Variants in GRM8 observed in about 807,000 individuals in gnomAD.
GRM8 encodes metabotropic glutamate receptor 8.
Under a neutral mutation model 87.2 loss-of-function variants are expected in GRM8, and 47 were observed. The observed-to-expected ratio is 0.54, with a 90% CI of 0.43 to 0.69. GRM8 has a LOEUF of 0.69. Among genes scored for constraint, GRM8 ranks in the 30% least tolerant of loss-of-function variants. The pLI, the probability that GRM8 is intolerant of heterozygous loss-of-function variation, is 0.00. For missense variants in GRM8, 1,019 were observed against 1,139.2 expected, an observed-to-expected ratio of 0.89 and a Z score of 1.52; for synonymous variants, 396 against 404.5, an observed-to-expected ratio of 0.98 and a Z score of 0.25.
At chr7:126,625,496 T>C (rs1172235834) in intron 7 of GRM8, among the ~76,000 whole-genome samples, 4 of 150,136 alleles carry the variant, frequency 2.7e-5, no homozygotes, top group African/African-American at 9.7e-5. Flanking sequence ...AACCAACTCT[T>C]CTTCTTGATC....
intron 9 of GRM8, chr7:126,511,456 T>C (rs1027606159): frequency 6.6e-6 from 1 of 152,162 alleles, no homozygotes; most frequent in Non-Finnish European, 1.5e-5. Context: ...ATACCTCTTG[T>C]GGTTTTCAAA....
intron 7 of GRM8, among the ~76,000 whole-genome samples, chr7:126,700,228 T>C (rs1041503447): frequency 6.6e-6 from 1 of 152,118 alleles, no homozygotes; most frequent in Non-Finnish European, 1.5e-5. Context: ...ATATTAAAAA[T>C]CTATTTCATT....
At chr7:126,997,305 G>A (rs62468868) in intron 3 of GRM8, among the ~76,000 whole-genome samples, 2,351 of 151,792 alleles carry the variant, frequency 0.015, 21 homozygotes, top group Non-Finnish European at 0.024. Context: ...GCAGTACTAA[G>A]AGGAAAATAT....
chr7:126,843,053 G>A (rs1037865187), intron 6 of GRM8, among the ~76,000 whole-genome samples: 3 of 152,180 alleles, frequency 2.0e-5, no homozygotes, highest in Non-Finnish European at 4.4e-5. Flanking sequence ...AAATGATAAT[G>A]AGACTTACAA....
intron 6 of GRM8, among the ~76,000 whole-genome samples, chr7:126,875,765 T>G (rs934648255): frequency 2.6e-5 from 4 of 152,030 alleles, no homozygotes; most frequent in African/African-American, 9.7e-5. Flanking sequence ...TGAATTAATG[T>G]ATTAAGTTTT....
rs141875724 is a variant in GRM8, at chr7:126,493,699, C to T, written c.2430+39253G>A. On this transcript the variant is annotated intron_variant, in intron 9 of 10. Coordinates refer to ENST00000339582, the MANE Select transcript of GRM8 (RefSeq NM_000845.3). ...TCTGTGACCTTGACAGAGTCCCTGA[C>T]CTCTATCAGGGTGCTTTTTCATTTT... Among the ~76,000 whole-genome samples, 72 of 152,106 alleles carry T rather than the reference C, an allele frequency of 4.7e-4. No homozygotes were observed. The East Asian group carries it at 0.012, about 26-fold the overall frequency.
intron 8 of GRM8, among the ~76,000 whole-genome samples, chr7:126,556,891 C>A (rs920806196): frequency 6.6e-6 from 1 of 152,116 alleles, no homozygotes; most frequent in Non-Finnish European, 1.5e-5. Flanking sequence ...AAGACTTATT[C>A]ATTGGTGTCC....
intron 6 of GRM8, among the ~76,000 whole-genome samples, chr7:126,898,686 C>A (rs59143584): frequency 0.029 from 4,374 of 152,196 alleles, 208 homozygotes; most frequent in African/African-American, 0.099. Context: ...AGTATTTGTG[C>A]CTGAAATAAA....
At chr7:127,154,040 G>A (rs1563546088) in intron 2 of GRM8, among the ~76,000 whole-genome samples, 1 of 152,054 alleles carries the variant, frequency 6.6e-6, no homozygotes, top group Non-Finnish European at 1.5e-5. Flanking sequence ...AACCACCTTT[G>A]AGAGTAGCAG....
chr7:126,989,830 T>C (rs1201315366), intron 3 of GRM8, among the ~76,000 whole-genome samples: 6 of 151,844 alleles, frequency 4.0e-5, no homozygotes, highest in Admixed American at 3.9e-4. Flanking sequence ...GGCATGGTGG[T>C]GCGTGCCTGT....
chr7:126,461,389 C>A (rs1021919069), intron 9 of GRM8, among the ~76,000 whole-genome samples: 1 of 151,588 alleles, frequency 6.6e-6, no homozygotes, highest in African/African-American at 2.4e-5. Flanking sequence ...CTATCCCCAG[C>A]CTCTTCTCCC....
intron 2 of GRM8, among the ~76,000 whole-genome samples, chr7:127,172,091 G>A (rs770741360): frequency 9.2e-5 from 14 of 151,698 alleles, no homozygotes; most frequent in Non-Finnish European, 1.6e-4. Context: ...TTTTAAAAAT[G>A]TAAAGTGACG....
At chr7:126,736,635 C>T (rs1319786212) in intron 7 of GRM8, among the ~76,000 whole-genome samples, 3 of 152,064 alleles carry the variant, frequency 2.0e-5, no homozygotes, top group African/African-American at 7.2e-5. Context: ...TCCTCTGAGG[C>T]TACACGATGC....
At chr7:126,901,271 T>C (rs1324802088) in intron 6 of GRM8, among the ~76,000 whole-genome samples, 3 of 152,216 alleles carry the variant, frequency 2.0e-5, no homozygotes, top group Non-Finnish European at 4.4e-5. Flanking sequence ...TGTCACCTCC[T>C]CTGGCGAGGC....
intron 8 of GRM8, among the ~76,000 whole-genome samples, chr7:126,606,214 T>C (rs780423053): frequency 9.2e-5 from 14 of 152,234 alleles, no homozygotes; most frequent in Non-Finnish European, 1.6e-4. Flanking sequence ...AGACTGTCTC[T>C]GAACTTTCTC....
At chr7:126,814,140 A>G (rs1793549585) in intron 6 of GRM8, among the ~76,000 whole-genome samples, 1 of 152,060 alleles carries the variant, frequency 6.6e-6, no homozygotes, top group South Asian at 2.1e-4. Flanking sequence ...CTACAGTATT[A>G]GACTACCCTG....
chr7:126,473,650 T>C (rs997249063), intron 9 of GRM8, among the ~76,000 whole-genome samples: 4 of 152,298 alleles, frequency 2.6e-5, no homozygotes, highest in Middle Eastern at 3.4e-3. Context: ...TATGAGGATA[T>C]GAGATTTGTG....
intron 7 of GRM8, among the ~76,000 whole-genome samples, chr7:126,677,399 C>T (rs558564194): frequency 2.9e-4 from 44 of 149,688 alleles, no homozygotes; most frequent in African/African-American, 9.5e-4. Flanking sequence ...GACACCTGCA[C>T]GCATATAGTT....
intron 7 of GRM8, among the ~76,000 whole-genome samples, chr7:126,701,293 C>T (rs767238059): frequency 6.6e-6 from 1 of 152,114 alleles, no homozygotes; most frequent in Non-Finnish European, 1.5e-5. Context: ...CACGCTGGAG[C>T]ACAGTAGCCT....
Sources: allele counts gnomAD v4.1 joint callset (sites outside exome capture counted in the v4.1 genomes callset), GRCh38; gene constraint gnomAD v4.1.1; transcripts MANE v1.5; gene names NCBI Gene and HGNC (gene_info 2026-07-23, HGNC 2026-07-21).